ZNF638: variants seen among roughly 807,000 people sequenced by gnomAD.
The protein encoded by ZNF638 is zinc finger protein 638, also known as CTCL tumor antigen se33-1.
Under a neutral mutation model 195.6 loss-of-function variants are expected in ZNF638, and 46 were observed. The observed-to-expected ratio is 0.24, with a 90% CI of 0.19 to 0.30. The LOEUF (loss-of-function observed/expected upper bound fraction) is 0.30, where lower values mean the gene tolerates loss of function less well. Ranked by LOEUF, ZNF638 falls within the 10% of genes least tolerant of loss-of-function variation. The pLI is 1.00. For synonymous variants in ZNF638, 845 were observed against 772.0 expected, an observed-to-expected ratio of 1.09 and a Z score of -1.57; for missense variants, 2,440 against 2,325.3, an observed-to-expected ratio of 1.05 and a Z score of -1.01.
rs59719134 is a variant in ZNF638 at position 71,431,056 on chromosome 2, A to G, written c.5651-271A>G. 534 of 286,860 alleles carry G rather than the reference A, an allele frequency of 1.9e-3. 19 individuals carry two copies. The East Asian group carries it at 0.035, about 19-fold the overall frequency. 17.8% of individuals were successfully genotyped at this position (286,860 alleles called of 1,614,324 possible). On this transcript the variant is annotated intron_variant, in intron 25 of 27. Transcript: ENST00000264447. ...AAGTTCTCTTGCCAGTAATGATAGG[A>G]CTTGTATTACTTCGTTAAATTCTGC...
chr2:71,358,322 T>C (rs1396024862), intron 3 of ZNF638, among the ~76,000 whole-genome samples: 1 of 152,190 alleles, frequency 6.6e-6, no homozygotes, highest in Non-Finnish European at 1.5e-5. Flanking sequence ...GATTGGAACA[T>C]ATATATGTAT....
chr2:71,347,734 G>C (rs1355595829), intron 1 of ZNF638, among the ~76,000 whole-genome samples: 4 of 152,288 alleles, frequency 2.6e-5, no homozygotes, highest in East Asian at 1.9e-4. Flanking sequence ...AGTGTTGAAG[G>C]GGGTAGTACA....
intron 8 of ZNF638, chr2:71,376,135 G>A (rs2079418385): frequency 6.6e-6 from 1 of 152,152 alleles, no homozygotes; most frequent in South Asian, 2.1e-4. Context: ...AAGAGCCCAG[G>A]CATATTTACT....
intron 10 of ZNF638, 92 bp downstream of exon 10, chr2:71,380,657 C>G (rs1482484678): frequency 1.9e-5 from 21 of 1,091,396 alleles, no homozygotes; most frequent in African/African-American, 3.2e-5. Context: ...CACTATTGTG[C>G]TTTAATGAAG....
chr2:71,335,202 A>G (rs936887737), intron 1 of ZNF638, among the ~76,000 whole-genome samples: 5 of 151,994 alleles, frequency 3.3e-5, no homozygotes, highest in Admixed American at 2.6e-4. Context: ...ACACTTGGCT[A>G]ATCTTTTTTA....
At position 71,426,606 on chromosome 2, in the gene ZNF638, AAAG is replaced by A; in HGVS notation, c.4743_4745del (p.Lys1583del). 6.2e-7 allele frequency: 1 copy of A among 1,614,180 alleles called. No individual in the cohort carries two copies. Among genetic ancestry groups the A allele is most frequent in the Non-Finnish European group, 8.5e-7 (1 of 1,180,026 alleles). ...ATGTTCCTTTCTCTGAACTTAACTT[AAAG>A]AAGAAAAAGGGGAAAACTTCCACTC... On this transcript the variant is annotated inframe_deletion, in exon 24 of 28. Transcript: ENST00000264447.
chr2:71,434,674 A>T, intron 27 of ZNF638, 68 bp from the exon 28 acceptor site: 1 of 1,268,646 alleles, frequency 7.9e-7, no homozygotes, highest in Admixed American at 2.0e-5. Context: ...AATATACAGT[A>T]GATAAGTTTG....
In ZNF638 at chr2:71,430,087, G is replaced by A. The variant is rs1026680579; in HGVS notation, c.5651-1240G>A. Among the ~76,000 whole-genome samples the A allele has an allele frequency of 4.6e-5, 7 of 152,256 alleles. No homozygotes were observed. In the East Asian group the frequency reaches 7.7e-4, roughly 17 times the overall value. On this transcript the variant is annotated intron_variant, in intron 25 of 27. Transcript: ENST00000264447. ...AAAGGATGATTTAGTTACTGCTTACGTAACAATATATTTCTACTAATGAAC... is the reference window on the plus strand; with the variant it reads ...AAAGGATGATTTAGTTACTGCTTACATAACAATATATTTCTACTAATGAAC...
chr2:71,404,630 T>A (rs2080069676), intron 17 of ZNF638, among the ~76,000 whole-genome samples: 1 of 152,146 alleles, frequency 6.6e-6, no homozygotes, highest in Non-Finnish European at 1.5e-5. Context: ...GGTAGGAGGA[T>A]CCCTTGAGCC....
Position 71,377,467 on chromosome 2 carries a change from G to A in ZNF638, c.2266-2755G>A, listed in dbSNP as rs564753882. On this transcript the variant is annotated intron_variant, in intron 8 of 27. Transcript: ENST00000264447. ...ATGGATATGAAAAATAATGCTGGGC[G>A]TTAGTGAATATTTGAGCATTACAGA... Among the ~76,000 whole-genome samples, 29 of 152,298 alleles carry A rather than the reference G, an allele frequency of 1.9e-4. No homozygotes were observed. The East Asian group carries it at 2.5e-3, about 13-fold the overall frequency.
chr2:71,370,422 C>T (rs906056200), intron 8 of ZNF638, among the ~76,000 whole-genome samples: 14 of 152,138 alleles, frequency 9.2e-5, no homozygotes, highest in Non-Finnish European at 1.3e-4. Flanking sequence ...TAAACAAAAT[C>T]GTATAGTGTA....
intron 1 of ZNF638, among the ~76,000 whole-genome samples, chr2:71,348,188 TTGGC>T (rs1296773627): frequency 6.6e-6 from 1 of 152,224 alleles, no homozygotes; most frequent in African/African-American, 2.4e-5. Context: ...AGTCAGGTTA[TTGGC>T]AACAAATTTT....
chr2:71,410,541 C>T lies in ZNF638; in HGVS notation c.3261+2294C>T, dbSNP rs1339758035. ...CTAATATTTATCTAATTCCTTTTCTCTATGCTAACACTATTTTAGGTATTA... is the reference window on the plus strand; with the variant it reads ...CTAATATTTATCTAATTCCTTTTCTTTATGCTAACACTATTTTAGGTATTA... On this transcript the variant is annotated intron_variant, in intron 20 of 27. Coordinates refer to ENST00000264447, the MANE Select transcript of ZNF638 (RefSeq NM_014497.5). Among the ~76,000 whole-genome samples the T allele has an allele frequency of 3.9e-5, 6 of 152,044 alleles. No homozygotes were observed. The South Asian group carries it at 1.0e-3, about 26-fold the overall frequency.
intron 1 of ZNF638, among the ~76,000 whole-genome samples, chr2:71,332,597 C>G (rs922838528): frequency 4.6e-5 from 7 of 152,102 alleles, no homozygotes; most frequent in African/African-American, 1.7e-4. Context: ...ATTGTGAAAA[C>G]AGAACGTTAG....
chr2:71,410,975 C>A, intron 20 of ZNF638, among the ~76,000 whole-genome samples: 1 of 96,274 alleles, frequency 1.0e-5, no homozygotes, highest in African/African-American at 3.9e-5. Flanking sequence ...TTCTCCCCAC[C>A]CACCACCTCC....
intron 19 of ZNF638, 27 bp downstream of exon 19, chr2:71,406,289 A>G: frequency 6.3e-7 from 1 of 1,596,618 alleles, no homozygotes; most frequent in Non-Finnish European, 8.6e-7. Context: ...TAATTTAGCT[A>G]TTCATTCTGT....
At chr2:71,374,970 C>T (rs544411691) in intron 8 of ZNF638, 1 of 151,478 alleles carries the variant, frequency 6.6e-6, no homozygotes, top group Admixed American at 6.6e-5. Context: ...CCTTTTATGC[C>T]CTTTAGCAAG....
rs777447365 is a variant in ZNF638 at position 71,348,854 on chromosome 2, A to C, written c.-101A>C. ...GGCCCATCTCCTTTGCACTTTGCTC[A>C]GATTAAGACTCAGTTGGCGCTTCAG... On this transcript the variant is annotated 5_prime_UTR_variant, in exon 2 of 28. Coordinates refer to ENST00000264447, the MANE Select transcript of ZNF638 (RefSeq NM_014497.5). 1 of 1,611,326 alleles carries C rather than the reference A, an allele frequency of 6.2e-7. No homozygotes were observed.
chr2:71,349,180 C>T lies in ZNF638; in HGVS notation c.226C>T (p.His76Tyr), dbSNP rs1265310209. The T allele has an allele frequency of 3.1e-6, 5 of 1,614,066 alleles. No homozygotes were observed. The South Asian group carries it at 3.3e-5, about 11-fold the overall frequency. Reference sequence around the variant, plus strand: ...GAGAATGAATGTTCAGGTAACTCAACACAGAACTGATCCAAGATTGACCAA... The same window carrying T: ...GAGAATGAATGTTCAGGTAACTCAATACAGAACTGATCCAAGATTGACCAA... ...PQRMNVQVTQ[H>Y]RTDPRLTKEK... is the part of the protein sequence containing the mutation. Residue 76 changes from histidine (H) to tyrosine (Y), a missense_variant, in exon 2 of 28, where the codon CAC (histidine) becomes TAC (tyrosine). By Grantham distance (83) the His-to-Tyr change is moderately conservative (BLOSUM62 2). Coordinates refer to ENST00000264447, the MANE Select transcript of ZNF638 (RefSeq NM_014497.5).
Sources: allele counts gnomAD v4.1 joint callset (sites outside exome capture counted in the v4.1 genomes callset), GRCh38; gene constraint gnomAD v4.1.1; transcripts MANE v1.5; gene names NCBI Gene and HGNC (gene_info 2026-07-23, HGNC 2026-07-21).